Variants in CAB39L observed in about 807,000 individuals in gnomAD.
The protein encoded by CAB39L is calcium-binding protein 39-like.
Under a neutral mutation model 39.1 loss-of-function variants are expected in CAB39L, and 23 were observed. The observed-to-expected ratio is 0.59, with a 90% CI of 0.42 to 0.83. The LOEUF (loss-of-function observed/expected upper bound fraction) is 0.83, where lower values mean the gene tolerates loss of function less well. CAB39L is among the 40% of genes least tolerant of loss of function. The pLI, the probability that CAB39L is intolerant of heterozygous loss-of-function variation, is 0.00. For missense variants in CAB39L, 366 were observed against 391.9 expected, an observed-to-expected ratio of 0.93 and a Z score of 0.56; for synonymous variants, 126 against 137.2, an observed-to-expected ratio of 0.92 and a Z score of 0.57.
chr13:49,355,515 C>T (rs561507739), intron 6 of CAB39L, among the ~76,000 whole-genome samples: 63 of 152,238 alleles, frequency 4.1e-4, no homozygotes, highest in African/African-American at 1.4e-3. Flanking sequence ...AAAGAACCAA[C>T]ATCCTTGGTA....
At chr13:49,345,430 G>GT (rs1955119413) in intron 7 of CAB39L, among the ~76,000 whole-genome samples, 1 of 152,182 alleles carries the variant, frequency 6.6e-6, no homozygotes, top group African/African-American at 2.4e-5. Flanking sequence ...GAAACATGGT[G>GT]TTTTTCCCCC....
At chr13:49,370,378 T>G (rs927499871) in intron 5 of CAB39L, among the ~76,000 whole-genome samples, 8 of 152,196 alleles carry the variant, frequency 5.3e-5, no homozygotes, top group African/African-American at 7.2e-5. Flanking sequence ...CAGGCTGGCT[T>G]CTTCTGTTTC....
At chr13:49,412,710 T>G (rs1447177529) in intron 3 of CAB39L, among the ~76,000 whole-genome samples, 2 of 152,068 alleles carry the variant, frequency 1.3e-5, no homozygotes, top group African/African-American at 4.8e-5. Flanking sequence ...GACCTGGAGG[T>G]TGGGATGCAG....
intron 3 of CAB39L, among the ~76,000 whole-genome samples, chr13:49,405,374 A>T (rs561552686): frequency 3.5e-4 from 53 of 152,312 alleles, no homozygotes; most frequent in African/African-American, 1.2e-3. Flanking sequence ...ACATTCCCAG[A>T]CAAACAAAAG....
chr13:49,423,899 G>C (rs886664718), intron 3 of CAB39L, among the ~76,000 whole-genome samples: 1 of 152,106 alleles, frequency 6.6e-6, no homozygotes, highest in Admixed American at 6.6e-5. Context: ...AAATCTGTTC[G>C]GCAAATTTCT....
chr13:49,351,346 T>C (rs1955349865), intron 6 of CAB39L, among the ~76,000 whole-genome samples: 1 of 150,886 alleles, frequency 6.6e-6, no homozygotes, highest in Non-Finnish European at 1.5e-5. Context: ...AAAGGCAAAA[T>C]GTTCCAGGCA....
At chr13:49,377,534 T>A (rs1375300804) in intron 4 of CAB39L, among the ~76,000 whole-genome samples, 2 of 86,646 alleles carry the variant, frequency 2.3e-5, no homozygotes, top group East Asian at 4.6e-4. Context: ...GCCCAGTGCC[T>A]GCCATTGCAG....
At chr13:49,383,878 T>G (rs1423917605) in intron 3 of CAB39L, among the ~76,000 whole-genome samples, 1 of 152,194 alleles carries the variant, frequency 6.6e-6, no homozygotes, top group Non-Finnish European at 1.5e-5. Context: ...ATAAAAATAT[T>G]TATTGCCTGA....
At chr13:49,421,642 T>C (rs567331468) in intron 3 of CAB39L, among the ~76,000 whole-genome samples, 11 of 152,190 alleles carry the variant, frequency 7.2e-5, no homozygotes, top group Admixed American at 5.2e-4. Context: ...ATGGTGTCAG[T>C]GGAGGTCCAT....
At chr13:49,441,511 A>T (rs1333927590) in intron 1 of CAB39L, among the ~76,000 whole-genome samples, 1 of 151,776 alleles carries the variant, frequency 6.6e-6, no homozygotes, top group Non-Finnish European at 1.5e-5. Flanking sequence ...AGGCTGCAGT[A>T]AGCTGTGATC....
chr13:49,343,568 C>CAG (rs558574082), intron 8 of CAB39L, among the ~76,000 whole-genome samples: 33 of 148,824 alleles, frequency 2.2e-4, no homozygotes, highest in Middle Eastern at 3.4e-3. Context: ...AAGAGGGAGC[C>CAG]AGAGAGAGAG....
Position 49,315,863 on chromosome 13 carries a change from C to T in CAB39L, c.835-4870G>A, listed in dbSNP as rs577809768. Reference sequence around the variant, plus strand: ...TCGTGCCACGGCACTCCAGCCTGGGCAACAGAGCAAGTCTCCATCTCAAAA... The same window carrying T: ...TCGTGCCACGGCACTCCAGCCTGGGTAACAGAGCAAGTCTCCATCTCAAAA... On this transcript the variant is annotated intron_variant, in intron 10 of 10. Coordinates refer to ENST00000409308, the MANE Select transcript of CAB39L (RefSeq NM_001079670.3). Among the ~76,000 whole-genome samples, 154 of 124,580 alleles carry T rather than the reference C, an allele frequency of 1.2e-3. 1 individual carries two copies. Among genetic ancestry groups the T allele is most frequent in the African/African-American group, 4.3e-3 (145 of 33,392 alleles). The allele number at this position is 124,580 out of a possible 152,430, so 81.7% of individuals were successfully genotyped here.
chr13:49,363,018 A>G (rs1955675542), intron 5 of CAB39L, among the ~76,000 whole-genome samples: 1 of 152,174 alleles, frequency 6.6e-6, no homozygotes, highest in Non-Finnish European at 1.5e-5. Flanking sequence ...GGCATGAAGG[A>G]GAATTAAAGA....
At chr13:49,357,320 A>G (rs1038039119) in intron 6 of CAB39L, among the ~76,000 whole-genome samples, 1 of 152,180 alleles carries the variant, frequency 6.6e-6, no homozygotes, top group Non-Finnish European at 1.5e-5. Context: ...ATGGTAAAAA[A>G]ATAATATGTA....
chr13:49,389,705 C>A (rs980286701), intron 3 of CAB39L, among the ~76,000 whole-genome samples: 1 of 152,146 alleles, frequency 6.6e-6, no homozygotes, highest in African/African-American at 2.4e-5. Flanking sequence ...GCTATATCTT[C>A]ATTCGATATA....
intron 7 of CAB39L, among the ~76,000 whole-genome samples, chr13:49,349,974 C>T (rs1217177443): frequency 2.6e-5 from 4 of 152,048 alleles, no homozygotes; most frequent in Admixed American, 2.0e-4. Flanking sequence ...CTGATATATT[C>T]TCTGAACATT....
intron 3 of CAB39L, among the ~76,000 whole-genome samples, chr13:49,428,304 C>T (rs1361925455): frequency 6.6e-6 from 1 of 152,212 alleles, no homozygotes; most frequent in Non-Finnish European, 1.5e-5. Flanking sequence ...TGGCTAGAGG[C>T]TTTGGTTCTT....
intron 10 of CAB39L, among the ~76,000 whole-genome samples, chr13:49,319,475 A>G (rs902144704): frequency 3.3e-5 from 5 of 152,156 alleles, no homozygotes; most frequent in Admixed American, 1.3e-4. Flanking sequence ...TACTGAGTAC[A>G]GGGTTTCCTT....
intron 2 of CAB39L, 85 bp from the exon 3 acceptor site, chr13:49,433,478 G>A (rs1216945414): frequency 2.6e-6 from 1 of 391,012 alleles, no homozygotes; most frequent in Admixed American, 3.6e-5. Context: ...CAGGTATACA[G>A]AATTACAAAT....
Sources: gnomAD v4.1 joint callset for allele counts (sites outside exome capture counted in the v4.1 genomes callset) on GRCh38, gnomAD v4.1.1 for gene constraint, MANE v1.5 for transcripts, NCBI Gene and HGNC (gene_info 2026-07-23, HGNC 2026-07-21) for gene names.